MYH15: variants seen among roughly 807,000 people sequenced by gnomAD.
The protein encoded by MYH15 is myosin heavy chain 15.
MYH15 carries 227 observed loss-of-function variants against 240.5 expected under a neutral mutation model. That is an observed-to-expected ratio of 0.94 (90% confidence interval 0.85 to 1.05). The LOEUF is 1.05. Ranked by LOEUF, MYH15 falls within the 50% of genes least tolerant of loss-of-function variation. The probability of loss-of-function intolerance (pLI) is 0.00; values close to 1 mark genes in which losing one functional copy is unlikely to be tolerated. For missense variants in MYH15, 2,217 were observed against 2,247.5 expected (o/e 0.99, Z 0.27); for synonymous variants, 785 against 796.7 (o/e 0.99, Z 0.25).
At chr3:108,411,769 C>T (rs1022763190) in intron 30 of MYH15, among the ~76,000 whole-genome samples, 5 of 152,166 alleles carry the variant, frequency 3.3e-5, no homozygotes, top group Non-Finnish European at 7.4e-5. Flanking sequence ...TCATCTACTG[C>T]TATTAAACAG....
At chr3:108,531,802 A>AC (rs1358713830), upstream of MYH15, among the ~76,000 whole-genome samples, 588 of 151,430 alleles carry the variant, frequency 3.9e-3, 2 homozygotes, top group African/African-American at 0.013. Context: ...ATAAATAAAT[A>AC]AATACATAAA....
At chr3:108,427,180 T>C (rs2082730827) in intron 27 of MYH15, among the ~76,000 whole-genome samples, 1 of 152,246 alleles carries the variant, frequency 6.6e-6, no homozygotes, top group Non-Finnish European at 1.5e-5. Flanking sequence ...GACTTAAGTC[T>C]TTGGAACCTA....
chr3:108,515,030 A>C (rs2083550184), upstream of MYH15, among the ~76,000 whole-genome samples: 1 of 152,162 alleles, frequency 6.6e-6, no homozygotes, highest in South Asian at 2.1e-4. Flanking sequence ...TTTAGACGAC[A>C]CAGTTTGGAG....
chr3:108,529,137 A>G (rs1447092329), intron 1 of MYH15: 2 of 788,654 alleles, frequency 2.5e-6, no homozygotes, highest in Non-Finnish European at 4.0e-6. Context: ...GCCTATTTTT[A>G]TACTATCATG....
At chr3:108,460,249 T>C (rs1293918605) in intron 17 of MYH15, 51 bp downstream of exon 17, 4 of 1,376,576 alleles carry the variant, frequency 2.9e-6, no homozygotes, top group South Asian at 1.4e-5. Context: ...AATAATAACA[T>C]ATGCAGATTG....
chr3:108,388,928 T>C, intron 38 of MYH15, 42 bp downstream of exon 38: 2 of 1,566,690 alleles, frequency 1.3e-6, no homozygotes, highest in South Asian at 1.1e-5. Flanking sequence ...TTCTGCAGGG[T>C]AGTGCCCAGC....
chr3:108,406,683 T>C (rs2082548595), intron 32 of MYH15, among the ~76,000 whole-genome samples: 1 of 152,210 alleles, frequency 6.6e-6, no homozygotes, highest in Non-Finnish European at 1.5e-5. Flanking sequence ...TAACGCAATG[T>C]TACAAATACA....
intron 1 of MYH15, among the ~76,000 whole-genome samples, chr3:108,522,068 A>C (rs1429390432): frequency 6.6e-6 from 1 of 152,152 alleles, no homozygotes; most frequent in African/African-American, 2.4e-5. Context: ...TAAATGAGAG[A>C]CAGCTGTTAA....
upstream of MYH15, among the ~76,000 whole-genome samples, chr3:108,533,056 A>G (rs1343043874): frequency 6.6e-6 from 1 of 151,730 alleles, no homozygotes; most frequent in East Asian, 1.9e-4. Flanking sequence ...CCTAGTCTCA[A>G]ATTACGTCTT....
chr3:108,490,886 GT>G (rs566583492), intron 9 of MYH15, among the ~76,000 whole-genome samples: 137 of 145,228 alleles, frequency 9.4e-4, no homozygotes, highest in Middle Eastern at 7.2e-3. Flanking sequence ...TTAGATCATG[GT>G]TTTTTTTTTT....
chr3:108,432,637 G>A (rs754992109), intron 25 of MYH15, among the ~76,000 whole-genome samples: 10 of 152,268 alleles, frequency 6.6e-5, no homozygotes, highest in African/African-American at 1.7e-4. Context: ...CCCGTGCTGC[G>A]TGCAGCCTAG....
intron 14 of MYH15, among the ~76,000 whole-genome samples, chr3:108,466,619 C>A (rs376447602): frequency 6.6e-6 from 1 of 152,248 alleles, no homozygotes; most frequent in Non-Finnish European, 1.5e-5. Context: ...ACCTGAGTAA[C>A]GGGTTTCATT....
At chr3:108,396,629 T>TA (rs888579607) in intron 35 of MYH15, among the ~76,000 whole-genome samples, 1 of 152,094 alleles carries the variant, frequency 6.6e-6, no homozygotes, top group Non-Finnish European at 1.5e-5. Context: ...GTTACTTTTT[T>TA]AAAAAAAGTC....
At chr3:108,547,842 G>T in the MYH15 span, among the ~76,000 whole-genome samples, 1 of 152,140 alleles carries the variant, frequency 6.6e-6, no homozygotes, top group Non-Finnish European at 1.5e-5. Flanking sequence ...ACTAAAAGTA[G>T]CAGATGCAAG....
chr3:108,501,398 T>C (rs1304235766), intron 3 of MYH15, among the ~76,000 whole-genome samples: 1 of 152,192 alleles, frequency 6.6e-6, no homozygotes, highest in Non-Finnish European at 1.5e-5. Context: ...CAGACATTGT[T>C]ATCCCACTTT....
chr3:108,416,113 T>C (rs2107551501), intron 29 of MYH15, among the ~76,000 whole-genome samples: 1 of 152,292 alleles, frequency 6.6e-6, no homozygotes, highest in East Asian at 1.9e-4. Flanking sequence ...GCACAAACAA[T>C]GATACATTTT....
intron 1 of MYH15, among the ~76,000 whole-genome samples, chr3:108,529,059 T>A (rs563586322): frequency 2.0e-5 from 3 of 152,174 alleles, no homozygotes; most frequent in African/African-American, 7.2e-5. Flanking sequence ...TGTTTTACCA[T>A]CTGGATTTTT....
intron 28 of MYH15, 31 bp from the exon 29 acceptor site, chr3:108,416,961 T>C: frequency 6.6e-7 from 1 of 1,514,676 alleles, no homozygotes; most frequent in Non-Finnish European, 9.2e-7. Flanking sequence ...ACTACATAAT[T>C]ACAGTCTTCC....
rs745769427 is a variant in MYH15, at chr3:108,383,749, A to AAG, written c.5632-21_5632-20insCT. On this transcript the variant is annotated intron_variant, in intron 39 of 40. Transcript: ENST00000693548. ...TGTTTCCTATAAAAATAAAAAAAAA[A>AAG]AAAAAGAAATCTCCATGCCTATATA... The AAG allele has an allele frequency of 1.8e-5, 28 of 1,537,138 alleles. No homozygotes were observed. In the Middle Eastern group the frequency reaches 9.5e-4, roughly 52 times the overall value.
Sources: gnomAD v4.1 joint callset for allele counts (sites outside exome capture counted in the v4.1 genomes callset) on GRCh38, gnomAD v4.1.1 for gene constraint, MANE v1.5 for transcripts, NCBI Gene and HGNC (gene_info 2026-07-23, HGNC 2026-07-21) for gene names.